Variants in PRKCH observed in about 807,000 individuals in gnomAD.
The protein encoded by PRKCH is protein kinase C eta, also known as protein kinase C eta type.
PRKCH carries 28 observed loss-of-function variants against 82.5 expected under a neutral mutation model. The ratio of observed to expected loss-of-function variants is 0.34; its 90% CI spans 0.25 to 0.47. PRKCH has a LOEUF of 0.47. Among genes scored for constraint, PRKCH ranks in the 20% least tolerant of loss-of-function variants. PRKCH has a pLI of 1.00. For missense variants in PRKCH, 705 were observed against 881.8 expected, an observed-to-expected ratio of 0.80 and a Z score of 2.54; for synonymous variants, 322 against 327.4, an observed-to-expected ratio of 0.98 and a Z score of 0.18.
At chr14:61,208,350 A>C (rs1450132325) in intron 1 of PRKCH, among the ~76,000 whole-genome samples, 1 of 152,206 alleles carries the variant, frequency 6.6e-6, no homozygotes, top group Non-Finnish European at 1.5e-5. Flanking sequence ...AGGGACAAAA[A>C]AAATTATAAG....
chr14:61,506,232 C>A (rs1343413007), intron 10 of PRKCH, among the ~76,000 whole-genome samples: 3 of 152,156 alleles, frequency 2.0e-5, no homozygotes, highest in Admixed American at 6.5e-5. Context: ...GTGCTCAGTG[C>A]AATCTACTGG....
intron 1 of PRKCH, among the ~76,000 whole-genome samples, chr14:61,364,235 T>C (rs1331286276): frequency 6.6e-6 from 1 of 151,572 alleles, no homozygotes. Context: ...TAGTATTTGA[T>C]GAAGTAGCAG....
chr14:61,548,406 T>C (rs2043286382), intron 13 of PRKCH, among the ~76,000 whole-genome samples: 1 of 152,178 alleles, frequency 6.6e-6, no homozygotes, highest in Non-Finnish European at 1.5e-5. Context: ...ACCAAAGAAA[T>C]ACTGGGATCT....
At chr14:61,201,077 A>C (rs1459355721) in intron 1 of PRKCH, among the ~76,000 whole-genome samples, 2 of 152,172 alleles carry the variant, frequency 1.3e-5, no homozygotes, top group Non-Finnish European at 2.9e-5. Context: ...AAGAGAGAGA[A>C]TCCGTTTAAC....
chr14:61,237,652 G>C (rs990640351), intron 1 of PRKCH, among the ~76,000 whole-genome samples: 4 of 152,236 alleles, frequency 2.6e-5, no homozygotes, highest in African/African-American at 9.6e-5. Context: ...ATCGTCAATC[G>C]GAAAATCTTT....
At chr14:61,376,116 C>T (rs1306290926) in intron 1 of PRKCH, among the ~76,000 whole-genome samples, 4 of 151,674 alleles carry the variant, frequency 2.6e-5, no homozygotes, top group African/African-American at 9.7e-5. Flanking sequence ...ATAATCCAAA[C>T]CTAATTCAGT....
intron 2 of PRKCH, among the ~76,000 whole-genome samples, chr14:61,416,889 G>C (rs189800419): frequency 6.6e-6 from 1 of 152,136 alleles, no homozygotes; most frequent in Non-Finnish European, 1.5e-5. Context: ...AGGGCTTAGC[G>C]GTCCTGTCTC....
chr14:61,531,823 A>G (rs2043046924), intron 12 of PRKCH, among the ~76,000 whole-genome samples: 1 of 152,222 alleles, frequency 6.6e-6, no homozygotes, highest in South Asian at 2.1e-4. Flanking sequence ...CATTTGTTAT[A>G]TTAGTAGAAA....
rs1234709544 is a variant in PRKCH, at chr14:61,198,301, CATG to C, written c.-19+10634_-19+10636del. On this transcript the variant is annotated intron_variant, in intron 1 of 3. Transcript: ENST00000555185. The stretch of plus-strand genomic sequence containing the variant: ...TCAGCCTTCTTCAAACTCATTCACC[CATG>C]TATGCTCTGCCCCAGCCTAATTACT... 6.6e-5 allele frequency among the ~76,000 whole-genome samples: 10 copies of C among 152,318 alleles called. No homozygotes were observed. In the East Asian group the frequency reaches 1.9e-3, roughly 29 times the overall value.
At chr14:61,363,519 A>G (rs766939511) in intron 1 of PRKCH, among the ~76,000 whole-genome samples, 30 of 152,154 alleles carry the variant, frequency 2.0e-4, no homozygotes, top group Non-Finnish European at 2.9e-5. Context: ...CCAGAATGAC[A>G]CTTGAAGTTC....
intron 1 of PRKCH, among the ~76,000 whole-genome samples, chr14:61,198,845 G>C (rs568934781): frequency 1.7e-4 from 26 of 152,224 alleles, no homozygotes; most frequent in African/African-American, 4.8e-4. Context: ...GAAATAAACA[G>C]ATTTTCACTA....
chr14:61,317,618 A>G (rs986643988), upstream of PRKCH, among the ~76,000 whole-genome samples: 1 of 152,082 alleles, frequency 6.6e-6, no homozygotes, highest in African/African-American at 2.4e-5. Context: ...TCTTGACATC[A>G]TTTGACCTAG....
intron 2 of PRKCH, among the ~76,000 whole-genome samples, chr14:61,394,039 A>G (rs1299011974): frequency 6.6e-6 from 1 of 152,172 alleles, no homozygotes; most frequent in Non-Finnish European, 1.5e-5. Context: ...AACCTCATGA[A>G]GATTTTTAAG....
chr14:61,228,017 G>T (rs2044711216), intron 1 of PRKCH, among the ~76,000 whole-genome samples: 1 of 152,156 alleles, frequency 6.6e-6, no homozygotes, highest in Non-Finnish European at 1.5e-5. Context: ...CAAAGGGATT[G>T]TCTGCTCCAA....
At chr14:61,467,393 C>T (rs2140307355) in intron 9 of PRKCH, among the ~76,000 whole-genome samples, 1 of 152,366 alleles carries the variant, frequency 6.6e-6, no homozygotes, top group Middle Eastern at 3.4e-3. Context: ...CTGCCCTGTC[C>T]AGCTCTGATG....
At chr14:61,424,222 T>C (rs1051264367) in intron 2 of PRKCH, among the ~76,000 whole-genome samples, 1 of 152,176 alleles carries the variant, frequency 6.6e-6, no homozygotes, top group African/African-American at 2.4e-5. Context: ...TGGACTAATA[T>C]AGTAAATTGG....
intron 9 of PRKCH, among the ~76,000 whole-genome samples, chr14:61,467,466 C>T (rs1291187039): frequency 6.6e-6 from 1 of 152,226 alleles, no homozygotes; most frequent in Non-Finnish European, 1.5e-5. Flanking sequence ...TGGCTGAGCC[C>T]CTGCCAGCCG....
rs115591323 is a variant in PRKCH, at chr14:61,550,772, A to T, written c.*941A>T. 6.6e-6 allele frequency: 1 copy of T among 152,346 alleles called. No homozygotes were observed. The highest frequency in any genetic ancestry group is 2.4e-5 in the African/African-American group (1 of 41,568). 9.4% of individuals were successfully genotyped at this position (152,346 alleles called of 1,614,324 possible). A position where few individuals can be genotyped will look rare whatever the true frequency, so the allele number is the denominator to read the frequency against. ...ATCACTGAAGAATTGCAGGCCACTC[A>T]TGTCAGTGACCAGATTTGTGGCTTA... On this transcript the variant is annotated 3_prime_UTR_variant, in exon 14 of 14. Transcript: ENST00000332981.
chr14:61,405,399 C>T (rs558128954), intron 2 of PRKCH, among the ~76,000 whole-genome samples: 5 of 146,146 alleles, frequency 3.4e-5, no homozygotes, highest in South Asian at 4.3e-4. Flanking sequence ...TTTTTTGAGA[C>T]GGAGTCTCAC....
Sources: gnomAD v4.1 joint callset for allele counts (sites outside exome capture counted in the v4.1 genomes callset) on GRCh38, gnomAD v4.1.1 for gene constraint, MANE v1.5 for transcripts, NCBI Gene and HGNC (gene_info 2026-07-23, HGNC 2026-07-21) for gene names.